The following LYPD6B variants were observed in gnomAD, a reference collection of about 807,000 sequenced individuals.
LYPD6B encodes the protein ly6/PLAUR domain-containing protein 6B.
In LYPD6B, 17 loss-of-function variants were observed where a neutral mutation model predicts 22.8. The observed-to-expected ratio is 0.75, with a 90% confidence interval of 0.51 to 1.12. The LOEUF is 1.12. Ranked by LOEUF, LYPD6B falls within the 50% of genes most tolerant of loss-of-function variation. The probability of loss-of-function intolerance (pLI) is 0.00; values close to 1 mark genes in which losing one functional copy is unlikely to be tolerated. For synonymous variants in LYPD6B, 106 were observed against 91.6 expected (o/e 1.16, Z -0.90); for missense variants, 221 against 258.3 (o/e 0.86, Z 0.99).
At chr2:149,073,681 G>A (rs557750513) in intron 1 of LYPD6B, among the ~76,000 whole-genome samples, 2 of 152,068 alleles carry the variant, frequency 1.3e-5, no homozygotes, top group Admixed American at 6.5e-5. Flanking sequence ...ACAGACTTGG[G>A]GACCCAAGTG....
At chr2:149,097,060 C>A (rs1417102006) in intron 1 of LYPD6B, among the ~76,000 whole-genome samples, 1 of 152,134 alleles carries the variant, frequency 6.6e-6, no homozygotes, top group Non-Finnish European at 1.5e-5. Context: ...AAAATAGTAA[C>A]ATTATTATTA....
In LYPD6B at chr2:149,093,923, C is replaced by T. The variant is rs1490399064; in HGVS notation, c.-66-36960C>T. Among the ~76,000 whole-genome samples the T allele has an allele frequency of 2.0e-5, 3 of 152,114 alleles. No individual in the cohort carries two copies. In the East Asian group the frequency reaches 5.8e-4, roughly 29 times the overall value. On this transcript the variant is annotated intron_variant, in intron 1 of 6. Coordinates refer to ENST00000409642, the MANE Select transcript of LYPD6B (RefSeq NM_177964.5). ...TAATTCTTATTAACACTTTGAAACTCCTTTACATCAATTTTGTCTTTATAA... is the reference window on the plus strand; with the variant it reads ...TAATTCTTATTAACACTTTGAAACTTCTTTACATCAATTTTGTCTTTATAA...
chr2:149,160,711 C>T (rs369003926), intron 2 of LYPD6B, 53 bp from the exon 3 acceptor site: 37 of 1,242,884 alleles, frequency 3.0e-5, no homozygotes, highest in African/African-American at 1.3e-4. Context: ...TGTTCAAGAA[C>T]GTTACTCATC....
intron 1 of LYPD6B, among the ~76,000 whole-genome samples, chr2:149,086,051 C>A (rs1685374604): frequency 6.6e-6 from 1 of 152,154 alleles, no homozygotes; most frequent in Non-Finnish European, 1.5e-5. Context: ...GAAGGCTCAG[C>A]CTTTTCAATG....
Position 149,212,255 on chromosome 2 carries a change from G to T in LYPD6B, c.329-737G>T, listed in dbSNP as rs575684776. 1.3e-4 allele frequency among the ~76,000 whole-genome samples: 19 copies of T among 151,238 alleles called. No homozygotes were observed. The East Asian group carries it at 3.7e-3, about 29-fold the overall frequency. ...AAATTAGCCAGGCGTGGTGGCGGGT[G>T]CCTGTAGTCCCAGCTACTCAGGAGG... is the stretch of plus-strand genomic sequence containing the variant. On this transcript the variant is annotated intron_variant, in intron 5 of 6. Coordinates refer to ENST00000409642, the MANE Select transcript of LYPD6B (RefSeq NM_177964.5).
intron 1 of LYPD6B, among the ~76,000 whole-genome samples, chr2:149,056,814 G>A (rs1054566034): frequency 6.6e-6 from 1 of 152,064 alleles, no homozygotes; most frequent in Non-Finnish European, 1.5e-5. Context: ...CCTCACCTGC[G>A]AAGACTACTC....
chr2:149,110,886 G>T (rs1044229917), intron 1 of LYPD6B, among the ~76,000 whole-genome samples: 1 of 152,112 alleles, frequency 6.6e-6, no homozygotes, highest in African/African-American at 2.4e-5. Context: ...GAGAACAATG[G>T]GGAGTGGAAT....
At chr2:149,123,954 A>G (rs890883027) in intron 1 of LYPD6B, among the ~76,000 whole-genome samples, 15 of 152,240 alleles carry the variant, frequency 9.9e-5, no homozygotes, top group African/African-American at 3.6e-4. Context: ...TTAGCAGCAC[A>G]TATTTAGGAA....
Position 149,214,641 on chromosome 2 carries a change from A to G in LYPD6B, c.555A>G (p.Thr185=), listed in dbSNP as rs1694081522. ...TTGCCGTAATGCACGCTCAGAGAAC[A>G]TCTGGCAGCAGTGCCCCCACACTCT... ...AVFAVMHAQR[T]SGSSAPTLYL... The change falls in exon 7 of 7, where the codon ACA becomes ACG. Residue 185 remains threonine, a synonymous_variant. Transcript: ENST00000409642. 6.2e-7 allele frequency: 1 copy of G among 1,613,968 alleles called. No individual in the cohort carries two copies. The highest frequency in any genetic ancestry group is 8.5e-7 in the Non-Finnish European group (1 of 1,179,860).
Position 149,160,803 on chromosome 2 carries a change from G to T in LYPD6B, c.45G>T (p.Glu15Asp). ...TLSANLFTVP[E>D]RSLTTTFSFS... is the part of the protein sequence containing the mutation. Reference sequence around the variant, plus strand: ...GTGCAAACCTTTTCACTGTTCCAGAGAGGAGCCTGACAACCACATTCTCCT... The same window carrying T: ...GTGCAAACCTTTTCACTGTTCCAGATAGGAGCCTGACAACCACATTCTCCT... Residue 15 changes from glutamate to aspartate, a missense_variant, in exon 3 of 7, where the codon GAG (glutamate) becomes GAT (aspartate). Glu to Asp is a conservative substitution (Grantham distance 45, BLOSUM62 2). Coordinates refer to ENST00000409642, the MANE Select transcript of LYPD6B (RefSeq NM_177964.5). The T allele has an allele frequency of 6.4e-7, 1 of 1,556,172 alleles. No individual in the cohort carries two copies.
chr2:149,118,629 A>T (rs766265013), intron 1 of LYPD6B, among the ~76,000 whole-genome samples: 4 of 152,256 alleles, frequency 2.6e-5, no homozygotes, highest in Non-Finnish European at 5.9e-5. Context: ...TGCTAATAAC[A>T]GCAATAACTA....
intron 1 of LYPD6B, among the ~76,000 whole-genome samples, chr2:149,098,209 T>C (rs945882542): frequency 6.0e-4 from 85 of 141,142 alleles, no homozygotes; most frequent in Non-Finnish European, 1.0e-3. Context: ...ATTTTGAATC[T>C]CTAAGACTTA....
chr2:149,192,401 T>C (rs959941367), intron 3 of LYPD6B, among the ~76,000 whole-genome samples: 1 of 151,544 alleles, frequency 6.6e-6, no homozygotes. Context: ...ACATCTCAAG[T>C]GTTTGGCAGG....
intron 1 of LYPD6B, among the ~76,000 whole-genome samples, chr2:149,053,296 C>T (rs1301233373): frequency 2.6e-5 from 4 of 152,138 alleles, no homozygotes; most frequent in Non-Finnish European, 5.9e-5. Flanking sequence ...ATTTTAATGA[C>T]CGAATTGTAT....
chr2:149,062,341 G>A (rs1156294888), intron 1 of LYPD6B, among the ~76,000 whole-genome samples: 1 of 152,196 alleles, frequency 6.6e-6, no homozygotes, highest in Non-Finnish European at 1.5e-5. Context: ...ATATGTAGCA[G>A]TGTGATTGGC....
At chr2:149,040,580 C>G (rs10182197) in intron 1 of LYPD6B, among the ~76,000 whole-genome samples, 138,025 of 152,160 alleles carry the variant, frequency 0.91, 64,146 homozygotes, top group East Asian at 1. Context: ...GCCATCTCAG[C>G]AGACAGGGAG....
intron 3 of LYPD6B, chr2:149,187,306 C>A: frequency 9.8e-7 from 1 of 1,022,220 alleles, no homozygotes; most frequent in Non-Finnish European, 1.3e-6. Context: ...TTGAATAATG[C>A]ACTAAATGAA....
intron 1 of LYPD6B, among the ~76,000 whole-genome samples, chr2:149,079,769 A>G (rs1281033332): frequency 6.6e-6 from 1 of 152,066 alleles, no homozygotes; most frequent in Non-Finnish European, 1.5e-5. Flanking sequence ...ATCTTCCGGG[A>G]TGTGCTTTAG....
intron 6 of LYPD6B, 92 bp from the exon 7 acceptor site, chr2:149,214,454 G>C (rs1694068456): frequency 4.5e-6 from 6 of 1,341,902 alleles, no homozygotes; most frequent in Non-Finnish European, 6.3e-6. Flanking sequence ...TCTTCAGATA[G>C]AGCTCAAGAA....
Sources: gnomAD v4.1 joint callset for allele counts (sites outside exome capture counted in the v4.1 genomes callset) on GRCh38, gnomAD v4.1.1 for gene constraint, MANE v1.5 for transcripts, NCBI Gene and HGNC (gene_info 2026-07-23, HGNC 2026-07-21) for gene names.